Variants in DPF3 observed in about 807,000 individuals in gnomAD.
DPF3 encodes the protein double PHD fingers 3, also known as zinc finger protein DPF3.
A neutral mutation model predicts 56.8 loss-of-function variants in DPF3; 18 were observed. The ratio of observed to expected loss-of-function variants is 0.32; its 90% confidence interval spans 0.22 to 0.47. The LOEUF (loss-of-function observed/expected upper bound fraction) is 0.47, where lower values mean the gene tolerates loss of function less well. DPF3 is among the 20% of genes least tolerant of loss of function. The probability of loss-of-function intolerance (pLI) is 1.00; values close to 1 mark genes in which losing one functional copy is unlikely to be tolerated. For synonymous variants in DPF3, 188 were observed against 180.2 expected (o/e 1.04, Z -0.35); for missense variants, 403 against 488.8 (o/e 0.82, Z 1.65).
rs1456885214 is a variant in DPF3, at chr14:72,640,085, AACAGC to A, written c.872-10354_872-10350del. On this transcript the variant is annotated intron_variant, in intron 8 of 10. Transcript: ENST00000556509. ...AAAAAAAAAAAAAAAAAAAAATGGA[AACAGC>A]ATTACAGGGAAAGGCAACAGCAGGA... 5.7e-4 allele frequency among the ~76,000 whole-genome samples: 76 copies of A among 132,280 alleles called. 1 individual carries two copies. The highest frequency in any genetic ancestry group is 1.9e-3 in the African/African-American group (72 of 37,766). The allele number at this position is 132,280 out of a possible 152,430, so 86.8% of individuals were successfully genotyped here.
rs754085997 is a variant in DPF3 at position 72,612,642 on chromosome 14, C to A, written c.*6655G>T. 1.9e-6 allele frequency: 1 copy of A among 518,238 alleles called. No individual in the cohort carries two copies. Among genetic ancestry groups the A allele is most frequent in the South Asian group, 1.4e-5 (1 of 71,522 alleles). 32.1% of individuals were successfully genotyped at this position (518,238 alleles called of 1,614,324 possible). A position where few individuals can be genotyped will look rare whatever the true frequency, so the allele number is the denominator to read the frequency against. On this transcript the variant is annotated 3_prime_UTR_variant, in exon 11 of 11. Coordinates refer to ENST00000556509, the MANE Select transcript of DPF3 (RefSeq NM_001280542.3). Reference sequence around the variant, plus strand: ...AATCAGGGTCTCAGTGGGGAGTAGACATGGAAGGGCAAACCAAGTCCGTAT... The same window carrying A: ...AATCAGGGTCTCAGTGGGGAGTAGAAATGGAAGGGCAAACCAAGTCCGTAT...
At chr14:72,688,236 GGGATGGAT>G (rs1334621665) in intron 7 of DPF3, among the ~76,000 whole-genome samples, 4 of 119,366 alleles carry the variant, frequency 3.4e-5, no homozygotes, top group Admixed American at 1.7e-4. Context: ...ATGGATGGAT[GGGATGGAT>G]GGATGGGTGG....
intron 8 of DPF3, among the ~76,000 whole-genome samples, chr14:72,638,794 A>G (rs1383252266): frequency 6.6e-6 from 1 of 151,860 alleles, no homozygotes; most frequent in African/African-American, 2.4e-5. Flanking sequence ...CAGTGTACTC[A>G]TGACACTTAG....
intron 1 of DPF3, among the ~76,000 whole-genome samples, chr14:72,893,591 G>A (rs1377378529): frequency 1.3e-5 from 2 of 151,874 alleles, no homozygotes; most frequent in African/African-American, 2.4e-5. Flanking sequence ...CGGACCCAGC[G>A]GCGGGGCGGG....
chr14:72,611,891 T>A lies in DPF3; in HGVS notation c.*7406A>T, dbSNP rs146586416. ...CTCAACAGAGAAACCTACATATACT[T>A]ACACCTTCCGTGATGGCGCGATACT... is the stretch of plus-strand genomic sequence containing the variant. On this transcript the variant is annotated 3_prime_UTR_variant, in exon 11 of 11. Coordinates refer to ENST00000556509, the MANE Select transcript of DPF3 (RefSeq NM_001280542.3). Among the ~76,000 whole-genome samples, 184 of 152,198 alleles carry A rather than the reference T, an allele frequency of 1.2e-3. No homozygotes were observed. Among genetic ancestry groups the A allele is most frequent in the Middle Eastern group, 3.4e-3 (1 of 294 alleles).
At chr14:72,702,062 G>T (rs1888188321) in intron 6 of DPF3, among the ~76,000 whole-genome samples, 2 of 152,198 alleles carry the variant, frequency 1.3e-5, no homozygotes, top group African/African-American at 4.8e-5. Context: ...GTCTGGGGGA[G>T]TTTAAGCAAT....
chr14:72,707,677 CGTGTGT>C (rs34662853), intron 6 of DPF3, among the ~76,000 whole-genome samples: 1 of 150,056 alleles, frequency 6.7e-6, no homozygotes, highest in African/African-American at 2.4e-5. Flanking sequence ...CTTCTGTGTG[CGTGTGT>C]GTGTGTGTGT....
chr14:72,751,362 C>T (rs1890566236), intron 3 of DPF3, among the ~76,000 whole-genome samples: 3 of 152,236 alleles, frequency 2.0e-5, no homozygotes, highest in Middle Eastern at 3.4e-3. Flanking sequence ...TCTTCGAGAC[C>T]AGCATTTCTC....
At chr14:72,891,078 G>A (rs1175008015) in intron 1 of DPF3, among the ~76,000 whole-genome samples, 2 of 152,224 alleles carry the variant, frequency 1.3e-5, no homozygotes, top group Non-Finnish European at 2.9e-5. Context: ...AAAGCAATGA[G>A]ATTCAAAATT....
At chr14:72,876,287 T>A (rs1886111949) in intron 1 of DPF3, among the ~76,000 whole-genome samples, 1 of 152,058 alleles carries the variant, frequency 6.6e-6, no homozygotes, top group African/African-American at 2.4e-5. Context: ...CCCTGGAAAG[T>A]ATCCAAAATG....
At chr14:72,766,653 T>C (rs1445271176) in intron 2 of DPF3, among the ~76,000 whole-genome samples, 1 of 152,202 alleles carries the variant, frequency 6.6e-6, no homozygotes, top group Non-Finnish European at 1.5e-5. Context: ...GGTCTCACTA[T>C]GTTGCTTAGG....
intron 8 of DPF3, among the ~76,000 whole-genome samples, chr14:72,668,925 C>A (rs538215657): frequency 1.3e-5 from 2 of 152,330 alleles, no homozygotes; most frequent in South Asian, 4.1e-4. Flanking sequence ...CAGAAACCTA[C>A]TGGAACAAAC....
intron 1 of DPF3, among the ~76,000 whole-genome samples, chr14:72,879,528 G>A (rs1261105796): frequency 6.6e-6 from 1 of 152,200 alleles, no homozygotes; most frequent in Non-Finnish European, 1.5e-5. Context: ...GGTGTGGCCA[G>A]TTCTACCTGA....
chr14:72,709,867 C>G (rs1888578908), intron 6 of DPF3, among the ~76,000 whole-genome samples: 1 of 152,194 alleles, frequency 6.6e-6, no homozygotes, highest in Non-Finnish European at 1.5e-5. Flanking sequence ...GCTCTACACA[C>G]CCTAAGCACC....
chr14:72,824,544 T>C (rs1415002195), intron 1 of DPF3, among the ~76,000 whole-genome samples: 2 of 130,950 alleles, frequency 1.5e-5, no homozygotes, highest in African/African-American at 5.5e-5. Flanking sequence ...ATTTACGTTT[T>C]CTTTTTCTTT....
At chr14:72,765,974 T>G (rs1891269526) in intron 2 of DPF3, among the ~76,000 whole-genome samples, 1 of 152,096 alleles carries the variant, frequency 6.6e-6, no homozygotes, top group Non-Finnish European at 1.5e-5. Context: ...AATCAATGGC[T>G]TCTCTGGGGA....
chr14:72,734,486 G>A (rs1192133120), intron 3 of DPF3, among the ~76,000 whole-genome samples: 1 of 152,106 alleles, frequency 6.6e-6, no homozygotes, highest in East Asian at 1.9e-4. Flanking sequence ...CTCATGTCCT[G>A]TCCTCAGTCA....
chr14:72,711,743 A>G (rs2153575375), intron 6 of DPF3, among the ~76,000 whole-genome samples: 1 of 152,286 alleles, frequency 6.6e-6, no homozygotes, highest in South Asian at 2.1e-4. Context: ...GGGGACCTGT[A>G]GGAGAGAAAA....
Position 72,815,715 on chromosome 14 carries a change from C to T in DPF3, c.33-43822G>A, listed in dbSNP as rs145784489. Among the ~76,000 whole-genome samples the T allele has an allele frequency of 6.8e-3, 1,036 of 152,324 alleles. 17 individuals are homozygous for T. Among genetic ancestry groups the T allele is most frequent in the African/African-American group, 0.024 (981 of 41,572 alleles). ...TGCTACTCTAACAAATTACTACAAA[C>T]TCAGTAGCTTAAAACAACACAGATT... On this transcript the variant is annotated intron_variant, in intron 1 of 10. Coordinates refer to ENST00000556509, the MANE Select transcript of DPF3 (RefSeq NM_001280542.3).
Sources: gnomAD v4.1 joint callset for allele counts (sites outside exome capture counted in the v4.1 genomes callset) on GRCh38, gnomAD v4.1.1 for gene constraint, MANE v1.5 for transcripts, NCBI Gene and HGNC (gene_info 2026-07-23, HGNC 2026-07-21) for gene names.